The following PTPRD variants were observed in gnomAD, a reference collection of about 807,000 sequenced individuals.
PTPRD encodes the protein protein tyrosine phosphatase receptor type D.
Under a neutral mutation model 214.5 loss-of-function variants are expected in PTPRD, and 34 were observed. The observed-to-expected ratio is 0.16, with a 90% CI of 0.12 to 0.21. PTPRD has a LOEUF of 0.21. Ranked by LOEUF, PTPRD falls within the 10% of genes least tolerant of loss-of-function variation. PTPRD has a pLI of 1.00. For synonymous variants in PTPRD, 1,128 were observed against 845.7 expected (o/e 1.33, Z -5.79); for missense variants, 2,545 against 2,398.7 (o/e 1.06, Z -1.27).
chr9:9,082,169 T>A (rs2099760194), intron 10 of PTPRD, among the ~76,000 whole-genome samples: 1 of 151,972 alleles, frequency 6.6e-6, no homozygotes, highest in Non-Finnish European at 1.5e-5. Context: ...AAAAGAAAAT[T>A]TCAGGCCACC....
At chr9:8,576,754 AAACC>A (rs1234177567) in intron 14 of PTPRD, among the ~76,000 whole-genome samples, 13 of 152,104 alleles carry the variant, frequency 8.5e-5, no homozygotes, top group Admixed American at 3.3e-4. Context: ...CCCTACCACC[AAACC>A]TTCACAGATA....
intron 3 of PTPRD, among the ~76,000 whole-genome samples, chr9:10,314,618 T>C (rs558470698): frequency 2.6e-5 from 4 of 152,050 alleles, no homozygotes; most frequent in East Asian, 1.9e-4. Flanking sequence ...GTAGTTTTCA[T>C]TGTGTCAGTG....
At chr9:9,547,470 G>A (rs2079069418) in intron 8 of PTPRD, among the ~76,000 whole-genome samples, 1 of 152,034 alleles carries the variant, frequency 6.6e-6, no homozygotes, top group African/African-American at 2.4e-5. Flanking sequence ...CTAGCCTGTT[G>A]AAATCTCAGA....
chr9:9,530,204 T>C (rs924623024), intron 8 of PTPRD, among the ~76,000 whole-genome samples: 5 of 152,006 alleles, frequency 3.3e-5, no homozygotes, highest in African/African-American at 1.2e-4. Context: ...AAAGGATCAA[T>C]GAAACACAAA....
At chr9:9,985,281 T>A (rs556107155) in intron 4 of PTPRD, among the ~76,000 whole-genome samples, 1 of 152,328 alleles carries the variant, frequency 6.6e-6, no homozygotes, top group African/African-American at 2.4e-5. Context: ...AAAGTTTTCT[T>A]ATATTCTATA....
intron 11 of PTPRD, among the ~76,000 whole-genome samples, chr9:8,914,557 CTGTAA>C (rs2098771447): frequency 6.6e-6 from 1 of 152,026 alleles, no homozygotes; most frequent in Non-Finnish European, 1.5e-5. Context: ...CTGAAGCAAG[CTGTAA>C]TGATTGGGAA....
chr9:8,582,539 T>G (rs1220244528), intron 14 of PTPRD, among the ~76,000 whole-genome samples: 1 of 152,052 alleles, frequency 6.6e-6, no homozygotes, highest in Non-Finnish European at 1.5e-5. Flanking sequence ...CAAATGTGCA[T>G]ACCTTATTGA....
intron 27 of PTPRD, among the ~76,000 whole-genome samples, 185 bp downstream of exon 27, chr9:8,492,677 A>T (rs1232428214): frequency 1.3e-5 from 2 of 148,754 alleles, no homozygotes; most frequent in Admixed American, 6.7e-5. Flanking sequence ...CAAATTATGC[A>T]CTTGGACTAT....
intron 5 of PTPRD, among the ~76,000 whole-genome samples, chr9:9,927,917 A>C (rs1199087432): frequency 2.0e-5 from 3 of 152,144 alleles, no homozygotes; most frequent in Non-Finnish European, 4.4e-5. Flanking sequence ...TAGAAAGCTA[A>C]TTCACTCAGA....
intron 2 of PTPRD, among the ~76,000 whole-genome samples, chr9:10,504,642 G>A (rs1186903015): frequency 6.6e-6 from 1 of 152,100 alleles, no homozygotes; most frequent in Admixed American, 6.6e-5. Context: ...ACAACCCTAT[G>A]AGGTAAACAG....
At chr9:10,278,452 C>G (rs1174668520) in intron 3 of PTPRD, among the ~76,000 whole-genome samples, 1 of 152,098 alleles carries the variant, frequency 6.6e-6, no homozygotes, top group East Asian at 1.9e-4. Flanking sequence ...TGCATTGCCT[C>G]CCTCCAAAAT....
intron 3 of PTPRD, among the ~76,000 whole-genome samples, chr9:10,331,267 A>G (rs2096745139): frequency 6.6e-6 from 1 of 150,532 alleles, no homozygotes; most frequent in African/African-American, 2.5e-5. Flanking sequence ...TTGGAGCAGC[A>G]AAACCATCTG....
intron 9 of PTPRD, among the ~76,000 whole-genome samples, chr9:9,289,528 A>T (rs1440978557): frequency 6.6e-6 from 1 of 151,856 alleles, no homozygotes; most frequent in Non-Finnish European, 1.5e-5. Flanking sequence ...TAAACAATAC[A>T]GCATAATTAA....
chr9:8,423,608 TC>T (rs1229489165), intron 35 of PTPRD, among the ~76,000 whole-genome samples: 2 of 152,308 alleles, frequency 1.3e-5, no homozygotes, highest in Admixed American at 6.5e-5. Flanking sequence ...ATTGGTCTTA[TC>T]TAAATGAAAC....
chr9:8,331,574 A>AAAGTTACCATTCCTGAACTGT lies in PTPRD; in HGVS notation c.5534+7_5534+8insACAGTTCAGGAATGGTAACTT. 1 of 1,611,994 alleles carries AAAGTTACCATTCCTGAACTGT rather than the reference A, an allele frequency of 6.2e-7. No individual in the cohort carries two copies. ...TTATCACTGCTTTATTCACAAATGG[A>AAAGTTACCATTCCTGAACTGT]AACTTACCTGCAATGGACTGAAATG... is the stretch of plus-strand genomic sequence containing the variant. On this transcript the variant is annotated splice_region_variant and intron_variant, in intron 44 of 45. Transcript: ENST00000381196.
intron 9 of PTPRD, among the ~76,000 whole-genome samples, chr9:9,256,327 T>C (rs1005183846): frequency 6.6e-6 from 1 of 152,024 alleles, no homozygotes; most frequent in African/African-American, 2.4e-5. Flanking sequence ...TCACATTATC[T>C]TTCCTTCACA....
chr9:8,971,318 T>G (rs1223486126), intron 11 of PTPRD, among the ~76,000 whole-genome samples: 1 of 151,716 alleles, frequency 6.6e-6, no homozygotes, highest in East Asian at 1.9e-4. Context: ...AATCCACAAT[T>G]GAGAAAAATG....
intron 2 of PTPRD, among the ~76,000 whole-genome samples, chr9:10,488,007 T>TCTCTCTCTCTCTCTC (rs2099144274): frequency 1.4e-5 from 2 of 143,666 alleles, no homozygotes; most frequent in Admixed American, 7.1e-5. Flanking sequence ...TCTCTCTCTC[T>TCTCTCTCTCTCTCTC]GTTCTGAACC....
intron 8 of PTPRD, among the ~76,000 whole-genome samples, chr9:9,521,715 T>C (rs942938147): frequency 1.4e-4 from 21 of 152,222 alleles, no homozygotes; most frequent in African/African-American, 5.1e-4. Flanking sequence ...GAAGTTCTAC[T>C]AAAAAAGGAA....
Sources: allele counts gnomAD v4.1 joint callset (sites outside exome capture counted in the v4.1 genomes callset), GRCh38; gene constraint gnomAD v4.1.1; transcripts MANE v1.5; gene names NCBI Gene and HGNC (gene_info 2026-07-23, HGNC 2026-07-21).